The following CNTNAP2 variants were observed in gnomAD, a reference collection of about 807,000 sequenced individuals.
CNTNAP2 encodes contactin associated protein 2.
CNTNAP2 carries 98 observed loss-of-function variants against 155.2 expected under a neutral mutation model. The ratio of observed to expected loss-of-function variants is 0.63; its 90% CI spans 0.54 to 0.75. The LOEUF (loss-of-function observed/expected upper bound fraction) is 0.75. CNTNAP2 is among the 30% of genes least tolerant of loss of function. CNTNAP2 has a pLI of 0.00. For synonymous variants in CNTNAP2, 651 were observed against 631.2 expected (o/e 1.03, Z -0.47); for missense variants, 1,727 against 1,688.1 (o/e 1.02, Z -0.40).
At chr7:146,622,782 C>A (rs1332878513) in intron 1 of CNTNAP2, among the ~76,000 whole-genome samples, 1 of 151,780 alleles carries the variant, frequency 6.6e-6, no homozygotes, top group African/African-American at 2.4e-5. Context: ...TATGGTGAAA[C>A]CCTGTCTCTA....
At chr7:148,298,898 T>C (rs1797330245) in intron 21 of CNTNAP2, among the ~76,000 whole-genome samples, 1 of 152,030 alleles carries the variant, frequency 6.6e-6, no homozygotes, top group African/African-American at 2.4e-5. Context: ...GGGGTCTCAC[T>C]AAGTTGTCTA....
intron 3 of CNTNAP2, chr7:146,963,129 T>C (rs561904000): frequency 2.6e-5 from 4 of 152,336 alleles, no homozygotes; most frequent in African/African-American, 9.6e-5. Context: ...AGAAAATTCA[T>C]TATAAAGAGT....
chr7:147,862,656 T>C (rs1799156396), intron 13 of CNTNAP2, among the ~76,000 whole-genome samples: 4 of 151,872 alleles, frequency 2.6e-5, no homozygotes, highest in Admixed American at 1.3e-4. Context: ...CACACACACA[T>C]ATACACATAC....
chr7:146,172,489 A>T (rs1405115), intron 1 of CNTNAP2, among the ~76,000 whole-genome samples: 37,768 of 151,914 alleles, frequency 0.25, 4,905 homozygotes, highest in Middle Eastern at 0.33. Flanking sequence ...AATTTTATTG[A>T]ATTTATTCTC....
chr7:146,550,409 T>TG (rs1563130760), intron 1 of CNTNAP2, among the ~76,000 whole-genome samples: 1 of 109,894 alleles, frequency 9.1e-6, no homozygotes, highest in Non-Finnish European at 2.1e-5. Flanking sequence ...CTGTTTTTTT[T>TG]TTTTTTTTTT....
chr7:147,224,269 A>G (rs1020738577), intron 8 of CNTNAP2, among the ~76,000 whole-genome samples: 1 of 152,238 alleles, frequency 6.6e-6, no homozygotes, highest in Non-Finnish European at 1.5e-5. Flanking sequence ...ACCAGAAACT[A>G]CAAGTCTCCA....
chr7:147,601,848 G>T (rs559862625), intron 12 of CNTNAP2, among the ~76,000 whole-genome samples: 2 of 151,582 alleles, frequency 1.3e-5, no homozygotes, highest in South Asian at 2.1e-4. Context: ...TTAATTTTTA[G>T]ATTCAATCTT....
At chr7:148,332,168 A>G (rs1460598130) in intron 21 of CNTNAP2, among the ~76,000 whole-genome samples, 1 of 57,136 alleles carries the variant, frequency 1.8e-5, no homozygotes, top group East Asian at 8.7e-4. Flanking sequence ...GAGCGGACAA[A>G]AAAAAAAAAA....
At chr7:146,343,944 A>T in intron 1 of CNTNAP2, among the ~76,000 whole-genome samples, 1 of 152,246 alleles carries the variant, frequency 6.6e-6, no homozygotes, top group South Asian at 2.1e-4. Flanking sequence ...TATGAACAAT[A>T]TAAATATTTT....
At chr7:148,306,485 T>C (rs1797494447) in intron 21 of CNTNAP2, among the ~76,000 whole-genome samples, 1 of 152,210 alleles carries the variant, frequency 6.6e-6, no homozygotes, top group Non-Finnish European at 1.5e-5. Context: ...CTTTCATTTG[T>C]TCAATTTCTT....
intron 8 of CNTNAP2, among the ~76,000 whole-genome samples, chr7:147,141,893 A>T (rs539187645): frequency 6.6e-6 from 1 of 152,302 alleles, no homozygotes; most frequent in South Asian, 2.1e-4. Flanking sequence ...TACAAGGAAG[A>T]TAATTCAATA....
intron 1 of CNTNAP2, among the ~76,000 whole-genome samples, chr7:146,299,257 G>A (rs1193822180): frequency 2.0e-5 from 3 of 151,900 alleles, no homozygotes; most frequent in Admixed American, 2.0e-4. Context: ...GGCAACACGA[G>A]CAAAACTCCA....
chr7:147,931,460 G>A (rs1213468606), intron 14 of CNTNAP2, among the ~76,000 whole-genome samples: 2 of 152,110 alleles, frequency 1.3e-5, no homozygotes, highest in East Asian at 1.9e-4. Context: ...GCATTTCCCT[G>A]ACACCAAAGC....
chr7:148,307,938 A>T (rs1174367079), intron 21 of CNTNAP2, among the ~76,000 whole-genome samples: 1 of 152,158 alleles, frequency 6.6e-6, no homozygotes, highest in Non-Finnish European at 1.5e-5. Context: ...ACACCACTGC[A>T]CTCTAACCTG....
chr7:147,441,848 TCTCCCTCCCTCCCTCC>T (rs1554485019), intron 10 of CNTNAP2, among the ~76,000 whole-genome samples: 1 of 114,378 alleles, frequency 8.7e-6, no homozygotes, highest in Non-Finnish European at 2.0e-5. Flanking sequence ...TCTCTCTCTC[TCTCCCTCCCTCCCTCC>T]CTCCCTCCCT....
intron 15 of CNTNAP2, among the ~76,000 whole-genome samples, chr7:148,000,388 A>G (rs890012110): frequency 1.3e-5 from 2 of 152,252 alleles, no homozygotes; most frequent in Non-Finnish European, 2.9e-5. Context: ...TAATGATTGC[A>G]GATAACATCT....
chr7:147,135,560 T>TCATTCTGGG (rs1379775632), intron 8 of CNTNAP2, among the ~76,000 whole-genome samples: 2 of 151,808 alleles, frequency 1.3e-5, no homozygotes, highest in Admixed American at 6.6e-5. Flanking sequence ...TAATAGCTGT[T>TCATTCTGGG]CATTCTGGGC....
At chr7:147,630,727 G>A (rs564346043) in intron 12 of CNTNAP2, among the ~76,000 whole-genome samples, 1 of 152,228 alleles carries the variant, frequency 6.6e-6, no homozygotes, top group South Asian at 2.1e-4. Context: ...GAAGTCATAT[G>A]AGCATCCCAA....
intron 10 of CNTNAP2, among the ~76,000 whole-genome samples, chr7:147,481,016 G>T (rs1383498581): frequency 6.6e-6 from 1 of 152,150 alleles, no homozygotes; most frequent in Non-Finnish European, 1.5e-5. Context: ...GATACACACG[G>T]CACTGTTCAT....
Sources: gnomAD v4.1 joint callset for allele counts (sites outside exome capture counted in the v4.1 genomes callset) on GRCh38, gnomAD v4.1.1 for gene constraint, MANE v1.5 for transcripts, NCBI Gene and HGNC (gene_info 2026-07-23, HGNC 2026-07-21) for gene names.